Variants in CTSV observed in about 807,000 individuals in gnomAD.
CTSV encodes the protein cathepsin L2.
Under a neutral mutation model 35.6 loss-of-function variants are expected in CTSV, and 33 were observed. That is an observed-to-expected ratio of 0.93 (90% confidence interval 0.70 to 1.24). CTSV has a LOEUF of 1.24. Among genes scored for constraint, CTSV ranks in the 50% most tolerant of loss-of-function variants. The pLI is 0.00. For synonymous variants in CTSV, 154 were observed against 147.1 expected (o/e 1.05, Z -0.34); for missense variants, 408 against 413.1 (o/e 0.99, Z 0.11).
At chr9:97,036,103 C>A (rs1312110650) in intron 5 of CTSV, among the ~76,000 whole-genome samples, 1 of 151,028 alleles carries the variant, frequency 6.6e-6, no homozygotes, top group South Asian at 2.1e-4. Context: ...TGGAGTCTCG[C>A]TCTGCGGCCC....
In CTSV at chr9:97,035,521, C is replaced by A. The variant is rs1185575846; in HGVS notation, c.787+7G>T. The A allele has an allele frequency of 9.4e-6, 14 of 1,487,804 alleles. No individual in the cohort carries two copies. The highest frequency in any genetic ancestry group is 1.2e-5 in the Non-Finnish European group (13 of 1,110,352). 92.2% of individuals were successfully genotyped at this position (1,487,804 alleles called of 1,614,324 possible). On this transcript the variant is annotated splice_region_variant and intron_variant, in intron 6 of 7. Transcript: ENST00000259470. The stretch of plus-strand genomic sequence containing the variant: ...TGCCTAAATTTCTATAATAAAATGA[C>A]ACTTACCTGATTTGTAGAACTGGAA...
intron 2 of CTSV, 121 bp from the exon 3 acceptor site, chr9:97,037,736 G>A (rs1828880575): frequency 6.9e-7 from 1 of 1,459,734 alleles, no homozygotes; most frequent in Middle Eastern, 1.9e-4. Flanking sequence ...ATACTTCTCT[G>A]GGAGCTGTTC....
chr9:97,036,292 T>G, intron 5 of CTSV: 1 of 546,640 alleles, frequency 1.8e-6, no homozygotes. Context: ...AGGATTGTCT[T>G]GATCTCCTGA....
rs867037212 is a variant in CTSV, at chr9:97,030,769, G to A, written c.*2180C>T. On this transcript the variant is annotated 3_prime_UTR_variant, in exon 8 of 8. Coordinates refer to ENST00000259470, the MANE Select transcript of CTSV (RefSeq NM_001333.4). ...AGGAACGCCTTTAAGCCGTTTTCCC[G>A]CCCTGGGTGGTCCAGGTGTTCCTTG... 2.6e-5 allele frequency: 4 copies of A among 152,290 alleles called. No homozygotes were observed. In the South Asian group the frequency reaches 6.2e-4, roughly 24 times the overall value. 9.4% of individuals were successfully genotyped at this position (152,290 alleles called of 1,614,324 possible). A position where few individuals can be genotyped will look rare whatever the true frequency, so the allele number is the denominator to read the frequency against.
chr9:97,033,586 T>C (rs1828792293), intron 7 of CTSV, among the ~76,000 whole-genome samples: 1 of 151,314 alleles, frequency 6.6e-6, no homozygotes, highest in African/African-American at 2.4e-5. Flanking sequence ...CACTTCAGCC[T>C]GGGCAAGAAG....
rs573045175 is a variant in CTSV at position 97,032,835 on chromosome 9, G to T, written c.*114C>A. 6 of 615,700 alleles carry T rather than the reference G, an allele frequency of 9.7e-6. No homozygotes were observed. The East Asian group carries it at 1.7e-4, about 17-fold the overall frequency. The allele number at this position is 615,700 out of a possible 1,614,324, so 38.1% of individuals were successfully genotyped here. A position where few individuals can be genotyped will look rare whatever the true frequency, so the allele number is the denominator to read the frequency against. On this transcript the variant is annotated 3_prime_UTR_variant, in exon 8 of 8. Transcript: ENST00000259470. ...TGTCACAGAATTAAAATCTCAACTTGGATCCTCAATGATTCAACTGGTTTA... is the reference window on the plus strand; with the variant it reads ...TGTCACAGAATTAAAATCTCAACTTTGATCCTCAATGATTCAACTGGTTTA...
chr9:97,039,294 G>A (rs1466644055), upstream of CTSV: 1 of 152,222 alleles, frequency 6.6e-6, no homozygotes, highest in East Asian at 1.9e-4. Context: ...CCCGTCTCAG[G>A]TCTGGGCGCG....
Position 97,030,826 on chromosome 9 carries a change from C to A in CTSV, c.*2123G>T, listed in dbSNP as rs912141133. On this transcript the variant is annotated 3_prime_UTR_variant, in exon 8 of 8. Coordinates refer to ENST00000259470, the MANE Select transcript of CTSV (RefSeq NM_001333.4). ...TTCCGGTAAACCTTCAGCATGGCGT[C>A]ATGGCCATCATGAACCTGTCACAGT... The A allele has an allele frequency of 5.3e-5, 8 of 152,192 alleles. No individual in the cohort carries two copies. Among genetic ancestry groups the A allele is most frequent in the African/African-American group, 1.9e-4 (8 of 41,448 alleles). 9.4% of individuals were successfully genotyped at this position (152,192 alleles called of 1,614,324 possible).
At chr9:97,038,273 G>T in intron 1 of CTSV, 2 of 436,212 alleles carry the variant, frequency 4.6e-6, no homozygotes, top group East Asian at 4.1e-5. Context: ...GATAATTTAG[G>T]GTATGAGAAG....
chr9:97,036,460 C>T (rs756568674), intron 5 of CTSV, 63 bp downstream of exon 5: 1 of 1,138,896 alleles, frequency 8.8e-7, no homozygotes, highest in Non-Finnish European at 1.3e-6. Flanking sequence ...TATCTGTTAT[C>T]TCTGAAAGTG....
chr9:97,037,160 C>A (rs574048173), intron 4 of CTSV, 92 bp downstream of exon 4: 17 of 1,357,056 alleles, frequency 1.3e-5, no homozygotes, highest in Non-Finnish European at 1.7e-5. Context: ...AAACCCATCA[C>A]CATATGTTGT....
intron 5 of CTSV, 125 bp from the exon 6 acceptor site, chr9:97,035,818 G>A (rs1033286231): frequency 7.7e-6 from 4 of 520,544 alleles, no homozygotes; most frequent in Non-Finnish European, 1.2e-5. Flanking sequence ...CTTATAAATC[G>A]TCCCATGAAA....
chr9:97,037,623 CA>C lies in CTSV; in HGVS notation c.127-9del. On this transcript the variant is annotated splice_polypyrimidine_tract_variant and intron_variant, in intron 2 of 7. Coordinates refer to ENST00000259470, the MANE Select transcript of CTSV (RefSeq NM_001333.4). ...CCTCCATCCTTCTTCATTCTAGAGG[CA>C]AACATATAGCTGGTGGACTTTATGT... The C allele has an allele frequency of 6.2e-7, 1 of 1,613,552 alleles. No individual in the cohort carries two copies. The highest frequency in any genetic ancestry group is 1.1e-5 in the South Asian group (1 of 90,906).
In CTSV at chr9:97,032,032, C is replaced by A. The variant is rs191251899; in HGVS notation, c.*917G>T. The A allele has an allele frequency of 6.6e-6, 1 of 152,212 alleles. No homozygotes were observed. Among genetic ancestry groups the A allele is most frequent in the African/African-American group, 2.4e-5 (1 of 41,462 alleles). 9.4% of individuals were successfully genotyped at this position (152,212 alleles called of 1,614,324 possible). On this transcript the variant is annotated 3_prime_UTR_variant, in exon 8 of 8. Coordinates refer to ENST00000259470, the MANE Select transcript of CTSV (RefSeq NM_001333.4). ...TAACAAGCAGCTTCACTTTTTATCA[C>A]GTAACCTAACCATCTTGAGGTTATG...
chr9:97,036,212 G>C (rs1230646192), intron 5 of CTSV, among the ~76,000 whole-genome samples: 1 of 151,812 alleles, frequency 6.6e-6, no homozygotes, highest in Non-Finnish European at 1.5e-5. Context: ...CTGGGACTAC[G>C]GGCACCCGCC....
At position 97,036,654 on chromosome 9, in the gene CTSV, G is replaced by C. The variant is rs1346707075; in HGVS notation, c.490C>G (p.Gln164Glu). ...GGACGCGAACAGTCCACCAGATTCT[G>C]CTCGCTCAGTGAGACAAGTTTCCCA... ...KTGKLVSLSE[Q>E]NLVDCSRPQG... Residue 164 changes from glutamine (Q) to glutamate (E), a missense_variant, in exon 5 of 8, where the codon CAG (glutamine) becomes GAG (glutamate). By Grantham distance (29) the Gln-to-Glu change is conservative. Transcript: ENST00000259470. 1 of 1,613,820 alleles carries C rather than the reference G, an allele frequency of 6.2e-7. No homozygotes were observed. The highest frequency in any genetic ancestry group is 1.3e-5 in the African/African-American group (1 of 74,840).
At chr9:97,035,058 C>T (rs1262962952) in intron 6 of CTSV, among the ~76,000 whole-genome samples, 1 of 152,112 alleles carries the variant, frequency 6.6e-6, no homozygotes, top group Non-Finnish European at 1.5e-5. Context: ...CTAACTTCAA[C>T]TAAGTTCAAG....
rs1828817708 is a variant in CTSV at position 97,034,788 on chromosome 9, C to A, written c.843G>T (p.Val281=). 3 of 1,613,976 alleles carry A rather than the reference C, an allele frequency of 1.9e-6. No individual in the cohort carries two copies. The South Asian group carries it at 3.3e-5, about 18-fold the overall frequency. ...TTGCTCCTTCAAAGCCGTAGCCAAC[C>A]ACCAGAACACCATGATCCAGGTTTT... ...SSKNLDHGVL[V]VGYGFEGANS... Residue 281 remains valine, a synonymous_variant, in exon 7 of 8, where the codon GTG becomes GTT. Transcript: ENST00000259470.
rs927746901 is a variant in CTSV, at chr9:97,029,741, T to C, written c.*3208A>G. 1.3e-5 allele frequency: 2 copies of C among 152,226 alleles called. No homozygotes were observed. The highest frequency in any genetic ancestry group is 2.9e-5 in the Non-Finnish European group (2 of 68,032). The allele number at this position is 152,226 out of a possible 1,614,324, so 9.4% of individuals were successfully genotyped here. On this transcript the variant is annotated 3_prime_UTR_variant, in exon 8 of 8. Transcript: ENST00000259470. ...AAAGAGATAATGAACATTTGTGAAA[T>C]TGTTTACAATTGAGATATCCATACA...
Sources: allele counts gnomAD v4.1 joint callset (sites outside exome capture counted in the v4.1 genomes callset), GRCh38; gene constraint gnomAD v4.1.1; transcripts MANE v1.5; gene names NCBI Gene and HGNC (gene_info 2026-07-23, HGNC 2026-07-21).